PDE10A: variants seen among roughly 807,000 people sequenced by gnomAD.
The protein encoded by PDE10A is phosphodiesterase 10A.
In PDE10A, 39 loss-of-function variants were observed where a neutral mutation model predicts 97.7. The ratio of observed to expected loss-of-function variants is 0.40; its 90% CI spans 0.31 to 0.52. The LOEUF (loss-of-function observed/expected upper bound fraction) is 0.52. Among genes scored for constraint, PDE10A ranks in the 20% least tolerant of loss-of-function variants. The pLI is 0.56. For synonymous variants in PDE10A, 371 were observed against 376.8 expected (o/e 0.98, Z 0.18); for missense variants, 731 against 1,047.8 (o/e 0.70, Z 4.17).
intron 2 of PDE10A, among the ~76,000 whole-genome samples, chr6:165,520,185 T>C (rs577493): frequency 0.53 from 80,542 of 152,038 alleles, 25,565 homozygotes; most frequent in East Asian, 0.72. Context: ...TCTTGACTTA[T>C]ATAGAGTTCC....
At chr6:165,670,576 C>G (rs893271752) in intron 1 of PDE10A, among the ~76,000 whole-genome samples, 1 of 152,126 alleles carries the variant, frequency 6.6e-6, no homozygotes, top group Non-Finnish European at 1.5e-5. Flanking sequence ...TAAAACCAAG[C>G]TAAAAATTAC....
At chr6:165,658,496 G>C (rs1562666165) in intron 1 of PDE10A, among the ~76,000 whole-genome samples, 2 of 152,154 alleles carry the variant, frequency 1.3e-5, no homozygotes, top group South Asian at 4.1e-4. Flanking sequence ...AACAGAGAGA[G>C]GTGCGGGCGT....
chr6:165,690,066 T>C (rs925832959), intron 1 of PDE10A, among the ~76,000 whole-genome samples: 3 of 152,306 alleles, frequency 2.0e-5, no homozygotes, highest in Admixed American at 2.0e-4. Context: ...GAGTGTCTTA[T>C]TAGGTAAGGC....
intron 1 of PDE10A, among the ~76,000 whole-genome samples, chr6:165,856,483 T>A (rs2128475813): frequency 6.6e-6 from 1 of 152,358 alleles, no homozygotes; most frequent in African/African-American, 2.4e-5. Flanking sequence ...TCTGTGTGAC[T>A]TTTTGATGTC....
At chr6:165,378,563 AG>A (rs1260712924) in intron 18 of PDE10A, among the ~76,000 whole-genome samples, 1 of 152,250 alleles carries the variant, frequency 6.6e-6, no homozygotes, top group African/African-American at 2.4e-5. Context: ...TGAATCCACT[AG>A]GCAAGACACC....
chr6:165,405,601 A>G (rs908762421), intron 13 of PDE10A, among the ~76,000 whole-genome samples: 5 of 152,222 alleles, frequency 3.3e-5, no homozygotes, highest in Non-Finnish European at 7.3e-5. Flanking sequence ...CCTGGGGAAT[A>G]AGTATTGTTT....
chr6:165,352,827 A>G (rs924557836), intron 18 of PDE10A, among the ~76,000 whole-genome samples: 33 of 152,224 alleles, frequency 2.2e-4, no homozygotes, highest in Non-Finnish European at 4.4e-5. Flanking sequence ...GGCATGATTC[A>G]TGAAAGAATA....
chr6:165,691,201 C>CTA (rs1491589495), intron 1 of PDE10A, among the ~76,000 whole-genome samples: 2 of 24,014 alleles, frequency 8.3e-5, no homozygotes, highest in East Asian at 1.7e-3. Context: ...CTCTCTCTCT[C>CTA]CCCACACACA....
intron 2 of PDE10A, among the ~76,000 whole-genome samples, chr6:165,518,684 G>C (rs1227135164): frequency 6.6e-6 from 1 of 152,276 alleles, no homozygotes; most frequent in Non-Finnish European, 1.5e-5. Context: ...GATAAGGAAA[G>C]AAAAAACAAT....
chr6:165,521,528 C>T (rs573409832), intron 2 of PDE10A, among the ~76,000 whole-genome samples: 6 of 152,290 alleles, frequency 3.9e-5, no homozygotes, highest in Non-Finnish European at 8.8e-5. Flanking sequence ...AGTTCTACTC[C>T]AGTGAACACA....
intron 13 of PDE10A, among the ~76,000 whole-genome samples, chr6:165,400,145 TA>T (rs1302441587): frequency 6.6e-6 from 1 of 151,840 alleles, no homozygotes; most frequent in Non-Finnish European, 1.5e-5. Flanking sequence ...AACAAATAAA[TA>T]AAAACTTTGA....
In PDE10A at chr6:165,418,114, A is replaced by G. The variant is rs760932687; in HGVS notation, c.1796+521T>C. 1.2e-4 allele frequency among the ~76,000 whole-genome samples: 18 copies of G among 152,206 alleles called. No individual in the cohort carries two copies. The highest frequency in any genetic ancestry group is 1.9e-4 in the Non-Finnish European group (13 of 68,048). On this transcript the variant is annotated intron_variant, in intron 11 of 21. Transcript: ENST00000539869. This position sits in a 1 kb window ranked among gnomAD's most constrained non-coding sequence, Gnocchi z 4.8. ...TTAAGTGACAACGGCTGCCACTTAA[A>G]AAAACAAAGACTTCAGTTTCAAGAT...
intron 17 of PDE10A, among the ~76,000 whole-genome samples, chr6:165,385,812 G>A (rs369253544): frequency 5.9e-5 from 9 of 152,168 alleles, no homozygotes; most frequent in African/African-American, 1.2e-4. Context: ...CTCTCTGGGC[G>A]TAGCTCAAAT....
At chr6:165,604,055 A>G (rs1292384824) in intron 1 of PDE10A, among the ~76,000 whole-genome samples, 1 of 152,236 alleles carries the variant, frequency 6.6e-6, no homozygotes, top group Non-Finnish European at 1.5e-5. Flanking sequence ...GCCAAGAAAA[A>G]TATATAACAA....
intron 1 of PDE10A, among the ~76,000 whole-genome samples, chr6:165,628,356 CTCTTT>C (rs1349308244): frequency 9.6e-6 from 1 of 104,182 alleles, no homozygotes; most frequent in Non-Finnish European, 2.3e-5. Flanking sequence ...CTTTTCTTTT[CTCTTT>C]TTTTTTCAGA....
intron 1 of PDE10A, among the ~76,000 whole-genome samples, chr6:165,547,489 G>A (rs1043509680): frequency 1.3e-5 from 2 of 150,638 alleles, no homozygotes; most frequent in Non-Finnish European, 3.0e-5. Context: ...AGTGGTACAT[G>A]TAGTGGTTAG....
chr6:165,930,593 C>T (rs1783101908), intron 1 of PDE10A, among the ~76,000 whole-genome samples: 1 of 152,236 alleles, frequency 6.6e-6, no homozygotes, highest in Admixed American at 6.5e-5. Flanking sequence ...TACTCAGGGT[C>T]TGCCTTCATC....
chr6:165,969,722 T>C (rs764134190), intron 1 of PDE10A, among the ~76,000 whole-genome samples: 28 of 152,158 alleles, frequency 1.8e-4, no homozygotes, highest in Non-Finnish European at 3.7e-4. Context: ...AATGTATACA[T>C]TGAAAGACAC....
At chr6:165,651,491 G>A (rs993909108) in intron 1 of PDE10A, among the ~76,000 whole-genome samples, 1 of 152,204 alleles carries the variant, frequency 6.6e-6, no homozygotes, top group Non-Finnish European at 1.5e-5. Flanking sequence ...TTAACATGGT[G>A]TTGGAGCTTC....
Sources: gnomAD v4.1 joint callset for allele counts (sites outside exome capture counted in the v4.1 genomes callset) on GRCh38, gnomAD v4.1.1 for gene constraint, Gnocchi (gnomAD v3.1) non-coding constraint, MANE v1.5 for transcripts, NCBI Gene and HGNC (gene_info 2026-07-23, HGNC 2026-07-21) for gene names.